The following PRKDC variants were observed in gnomAD, a reference collection of about 807,000 sequenced individuals.
PRKDC encodes DNA-dependent protein kinase catalytic subunit.
In PRKDC, 82 loss-of-function variants were observed where a neutral mutation model predicts 486.9. The ratio of observed to expected loss-of-function variants is 0.17; its 90% CI spans 0.14 to 0.20. The LOEUF (loss-of-function observed/expected upper bound fraction) is 0.20. PRKDC is among the 10% of genes least tolerant of loss of function. The pLI, the probability that PRKDC is intolerant of heterozygous loss-of-function variation, is 1.00. For missense variants in PRKDC, 4,504 were observed against 5,038.2 expected (o/e 0.89, Z 3.21); for synonymous variants, 1,895 against 1,837.0 (o/e 1.03, Z -0.81).
At chr8:47,809,486 G>A (rs1463500696) in intron 68 of PRKDC, among the ~76,000 whole-genome samples, 2 of 152,298 alleles carry the variant, frequency 1.3e-5, no homozygotes, top group Middle Eastern at 3.4e-3. Flanking sequence ...AGGTGGGAAC[G>A]TCCACAGAAT....
At chr8:47,939,846 A>G in intron 10 of PRKDC, 149 bp from the exon 11 acceptor site, 1 of 627,376 alleles carries the variant, frequency 1.6e-6, no homozygotes, top group Non-Finnish European at 2.4e-6. Context: ...CTTTGCTTCC[A>G]TTTTGCTTAG....
intron 70 of PRKDC, among the ~76,000 whole-genome samples, chr8:47,801,337 A>G (rs7016660): frequency 0.23 from 34,292 of 152,128 alleles, 7,511 homozygotes; most frequent in African/African-American, 0.56. Context: ...CTCCCAAAGC[A>G]CTGAGATTAC....
intron 27 of PRKDC, 83 bp from the exon 28 acceptor site, chr8:47,900,550 A>G (rs1185722614): frequency 1.6e-6 from 2 of 1,273,404 alleles, no homozygotes; most frequent in East Asian, 2.6e-5. Flanking sequence ...GAATTAAAGA[A>G]GGCACACATT....
At position 47,954,410 on chromosome 8, in the gene PRKDC, C is replaced by T; in HGVS notation, c.436G>A (p.Glu146Lys). 1 of 1,374,128 alleles carries T rather than the reference C, an allele frequency of 7.3e-7. No individual in the cohort carries two copies. The highest frequency in any genetic ancestry group is 9.9e-7 in the Non-Finnish European group (1 of 1,014,442). 85.1% of individuals were successfully genotyped at this position (1,374,128 alleles called of 1,614,324 possible). The change falls in exon 5 of 86, where the codon GAA becomes AAA. Residue 146 changes from glutamate to lysine, a missense_variant. Coordinates refer to ENST00000314191, the MANE Select transcript of PRKDC (RefSeq NM_006904.7). ...QTFRSSRLMD[E>K]FKIGELFSKF... ...CTAAATAATTCTCCAATTTTAAATT[C>T]ATCCATGAGTCTAGAACTTCTAAAA...
chr8:47,837,579 T>C (rs1395361495), intron 56 of PRKDC, among the ~76,000 whole-genome samples, 160 bp from the exon 57 acceptor site: 1 of 152,178 alleles, frequency 6.6e-6, no homozygotes, highest in African/African-American at 2.4e-5. Flanking sequence ...TAGTCTGAGT[T>C]ATGAAACATA....
chr8:47,783,919 C>G, intron 77 of PRKDC, 110 bp from the exon 78 acceptor site: 1 of 1,107,434 alleles, frequency 9.0e-7, no homozygotes, highest in Non-Finnish European at 1.4e-6. Context: ...ATGATAAAAC[C>G]TTTTACTGAA....
intron 17 of PRKDC, among the ~76,000 whole-genome samples, chr8:47,930,296 G>A (rs1205503691): frequency 6.6e-6 from 1 of 152,036 alleles, no homozygotes; most frequent in Non-Finnish European, 1.5e-5. Context: ...TTTTTGAGAC[G>A]GAGTCTCGCT....
chr8:47,873,450 A>G (rs2089007759), intron 40 of PRKDC, among the ~76,000 whole-genome samples: 1 of 152,032 alleles, frequency 6.6e-6, no homozygotes, highest in South Asian at 2.1e-4. Context: ...AAGCTGAGAC[A>G]GAAGAATTAC....
At chr8:47,871,982 T>G (rs187747277) in intron 40 of PRKDC, among the ~76,000 whole-genome samples, 1 of 152,122 alleles carries the variant, frequency 6.6e-6, no homozygotes, top group African/African-American at 2.4e-5. Context: ...AAGAAAACCA[T>G]AGAATATTGT....
intron 40 of PRKDC, 125 bp downstream of exon 40, chr8:47,877,599 A>G (rs954773794): frequency 3.8e-6 from 4 of 1,042,754 alleles, no homozygotes; most frequent in Non-Finnish European, 3.8e-6. Flanking sequence ...AAGACAAAAA[A>G]CTAAAATAAA....
intron 48 of PRKDC, 79 bp downstream of exon 48, chr8:47,858,437 G>A: frequency 7.9e-7 from 1 of 1,259,678 alleles, no homozygotes; most frequent in Non-Finnish European, 1.1e-6. Flanking sequence ...TCATAGAATT[G>A]CAATTGATTC....
intron 10 of PRKDC, 90 bp downstream of exon 10, chr8:47,943,119 G>A: frequency 2.1e-6 from 3 of 1,409,710 alleles, no homozygotes; most frequent in African/African-American, 1.4e-5. Context: ...AGATCAACTT[G>A]TATTTATTTT....
intron 5 of PRKDC, 139 bp from the exon 6 acceptor site, chr8:47,954,058 T>C: frequency 3.7e-6 from 2 of 540,276 alleles, no homozygotes; most frequent in South Asian, 3.4e-5. Flanking sequence ...ATAAAGCTTT[T>C]AGGACTGCAT....
In PRKDC at chr8:47,773,980, A is replaced by G; in HGVS notation, c.*193T>C. ...CTCACCTAATCTTTGATGTTACTAT[A>G]ACCTTATCTTTGATTTAACCCATAC... On this transcript the variant is annotated 3_prime_UTR_variant, in exon 86 of 86. Transcript: ENST00000314191. The G allele has an allele frequency of 3.5e-6, 2 of 572,166 alleles. No homozygotes were observed. The allele number at this position is 572,166 out of a possible 1,614,324, so 35.4% of individuals were successfully genotyped here. A position where few individuals can be genotyped will look rare whatever the true frequency, so the allele number is the denominator to read the frequency against.
chr8:47,920,368 C>T (rs567454650), intron 21 of PRKDC, among the ~76,000 whole-genome samples: 1 of 148,902 alleles, frequency 6.7e-6, no homozygotes, highest in East Asian at 1.9e-4. Flanking sequence ...CTCTATGTGT[C>T]TTTGCAAGTA....
chr8:47,837,395 G>C lies in PRKDC; in HGVS notation c.7578C>G (p.Ser2526Arg). ...TATTTGAAGGTAACCTAGTTTCATG[G>C]CTCCAGAAATTTCGAATAATTAATC... is the stretch of plus-strand genomic sequence containing the variant. ...GLQLIIRNFW[S>R]HETRLPSNTL... is the part of the protein sequence containing the mutation. Residue 2526 changes from serine (S) to arginine (R), a missense_variant, in exon 57 of 86, where the codon AGC (serine) becomes AGG (arginine). This residue lies in a region of PRKDC where 1,592 missense variants were observed against 1,724.6 expected (regional missense o/e 0.92). Transcript: ENST00000314191. 1.9e-6 allele frequency: 3 copies of C among 1,610,298 alleles called. No homozygotes were observed. Among genetic ancestry groups the C allele is most frequent in the Non-Finnish European group, 2.5e-6 (3 of 1,176,836 alleles).
Position 47,904,892 on chromosome 8 carries a change from C to G in PRKDC, c.3019G>C (p.Val1007Leu). The G allele has an allele frequency of 1.9e-6, 3 of 1,611,054 alleles. No individual in the cohort carries two copies. Among genetic ancestry groups the G allele is most frequent in the Non-Finnish European group, 1.7e-6 (2 of 1,177,454 alleles). The change falls in exon 26 of 86, where the codon GTT becomes CTT. Residue 1007 changes from valine (V) to leucine (L), a missense_variant. This residue lies in a region of PRKDC where 1,969 missense variants were observed against 2,068.9 expected (regional missense o/e 0.95). Coordinates refer to ENST00000314191, the MANE Select transcript of PRKDC (RefSeq NM_006904.7). ...NNKKFESQDT[V>L]ALLEAILDGI... ...ACCAATATAGCTTCTAGTAAGGCAA[C>G]AGTATCCTGACTTTCAAATTTCTTG... is the stretch of plus-strand genomic sequence containing the variant.
intron 31 of PRKDC, 75 bp downstream of exon 31, chr8:47,893,062 TTC>T: frequency 6.9e-7 from 1 of 1,448,560 alleles, no homozygotes; most frequent in South Asian, 1.6e-5. Context: ...GTCGCTGGGA[TTC>T]TGACCTGGCA....
rs376765911 is a variant in PRKDC at position 47,840,095 on chromosome 8, C to T, written c.7375G>A (p.Val2459Met). 31 of 1,581,094 alleles carry T rather than the reference C, an allele frequency of 2.0e-5. No homozygotes were observed. Among genetic ancestry groups the T allele is most frequent in the Non-Finnish European group, 2.4e-5 (28 of 1,161,514 alleles). ...GTAGAAGGATGGGAAACGAATTCCA[C>T]AACGGGGTTCAGAAGTTCTCGGAGT... Reference protein sequence around the residue: ...VELRELLNPVVEFVSHPSTTC... With the variant: ...VELRELLNPVMEFVSHPSTTC... Residue 2459 changes from valine to methionine, a missense_variant, in exon 55 of 86, where the codon GTG becomes ATG. Physicochemically the swap from Val to Met is conservative, Grantham distance 21. Transcript: ENST00000314191.
Sources: gnomAD v4.1 joint callset for allele counts (sites outside exome capture counted in the v4.1 genomes callset) on GRCh38, gnomAD v4.1.1 for gene constraint, gnomAD v4.1.1 regional missense constraint, MANE v1.5 for transcripts, NCBI Gene and HGNC (gene_info 2026-07-23, HGNC 2026-07-21) for gene names.